The following PLD5 variants were observed in gnomAD, a reference collection of about 807,000 sequenced individuals.
PLD5 encodes the protein phospholipase D family member 5.
Under a neutral mutation model 61.1 loss-of-function variants are expected in PLD5, and 36 were observed. The observed-to-expected ratio is 0.59, with a 90% confidence interval of 0.45 to 0.78. PLD5 has a LOEUF of 0.78. Among genes scored for constraint, PLD5 ranks in the 30% least tolerant of loss-of-function variants. PLD5 has a pLI of 0.00. For missense variants in PLD5, 515 were observed against 644.4 expected, an observed-to-expected ratio of 0.80 and a Z score of 2.17; for synonymous variants, 243 against 242.8, an observed-to-expected ratio of 1.00 and a Z score of -0.01.
intron 1 of PLD5, among the ~76,000 whole-genome samples, chr1:242,355,087 A>G (rs182305069): frequency 1.1e-4 from 16 of 152,070 alleles, no homozygotes; most frequent in African/African-American, 3.6e-4. Flanking sequence ...AGTTTTCTTT[A>G]CTTGTGATGT....
chr1:242,436,483 TA>T (rs373816835), intron 1 of PLD5, among the ~76,000 whole-genome samples: 3,673 of 152,110 alleles, frequency 0.024, 80 homozygotes, highest in Middle Eastern at 0.051. Context: ...ATTCACCTTT[TA>T]AAAAAAAATT....
At chr1:242,300,712 G>A (rs969605360) in intron 2 of PLD5, among the ~76,000 whole-genome samples, 5 of 151,658 alleles carry the variant, frequency 3.3e-5, no homozygotes, top group African/African-American at 9.7e-5. Flanking sequence ...TACCCTCCAC[G>A]AGGATGACCC....
At chr1:242,241,791 T>TCTAA (rs1553334335) in intron 4 of PLD5, among the ~76,000 whole-genome samples, 1 of 148,292 alleles carries the variant, frequency 6.7e-6, no homozygotes, top group African/African-American at 2.5e-5. Flanking sequence ...TTTACTTATT[T>TCTAA]CTATTTGCCT....
chr1:242,289,516 C>CT (rs914016284), intron 2 of PLD5, among the ~76,000 whole-genome samples: 18 of 151,782 alleles, frequency 1.2e-4, no homozygotes, highest in African/African-American at 4.4e-4. Context: ...GCCTGGCTAA[C>CT]TTTTTTTTGT....
intron 5 of PLD5, among the ~76,000 whole-genome samples, chr1:242,179,847 G>T (rs1177553909): frequency 6.6e-6 from 1 of 152,188 alleles, no homozygotes; most frequent in African/African-American, 2.4e-5. Flanking sequence ...AGGTTGCAGT[G>T]AGCTGAGATT....
chr1:242,232,549 GA>G (rs1190717187), intron 4 of PLD5, among the ~76,000 whole-genome samples: 1 of 151,640 alleles, frequency 6.6e-6, no homozygotes, highest in East Asian at 1.9e-4. Flanking sequence ...ATAATTGAAG[GA>G]AAAAAATCAT....
chr1:242,167,086 A>C (rs1462094931), intron 5 of PLD5, among the ~76,000 whole-genome samples: 1 of 138,946 alleles, frequency 7.2e-6, no homozygotes, highest in Admixed American at 7.6e-5. Flanking sequence ...TAGTAATAAT[A>C]ATAATAATAA....
At chr1:242,407,212 C>T (rs189076436) in intron 1 of PLD5, among the ~76,000 whole-genome samples, 7 of 152,134 alleles carry the variant, frequency 4.6e-5, no homozygotes, top group East Asian at 3.9e-4. Flanking sequence ...CCATGTAAGA[C>T]GTGACTTTGC....
chr1:242,391,348 A>T (rs1486204076), intron 1 of PLD5, among the ~76,000 whole-genome samples: 1 of 152,208 alleles, frequency 6.6e-6, no homozygotes, highest in Non-Finnish European at 1.5e-5. Flanking sequence ...GTATCACTAT[A>T]ATGCGGTAAA....
intron 2 of PLD5, among the ~76,000 whole-genome samples, chr1:242,335,564 T>C (rs115738169): frequency 1.9e-3 from 292 of 152,254 alleles, no homozygotes; most frequent in African/African-American, 6.8e-3. Flanking sequence ...GAGAATTGCG[T>C]GGTAAAAATA....
chr1:242,238,830 C>T (rs1052028231), intron 4 of PLD5, among the ~76,000 whole-genome samples: 3 of 152,104 alleles, frequency 2.0e-5, no homozygotes, highest in Non-Finnish European at 4.4e-5. Context: ...CTAGCAGGGA[C>T]CTCAGGGAGA....
intron 2 of PLD5, among the ~76,000 whole-genome samples, chr1:242,323,363 G>GT (rs1200372712): frequency 4.7e-4 from 72 of 151,714 alleles, no homozygotes; most frequent in African/African-American, 1.2e-3. Context: ...TTAGGTAACT[G>GT]TTTTTTTTGT....
intron 1 of PLD5, among the ~76,000 whole-genome samples, chr1:242,438,125 G>A (rs535245624): frequency 3.3e-5 from 5 of 152,232 alleles, no homozygotes; most frequent in African/African-American, 1.2e-4. Flanking sequence ...TGATTATGGT[G>A]CCTGATACTA....
At chr1:242,267,353 T>C (rs1473612322) in intron 3 of PLD5, among the ~76,000 whole-genome samples, 1 of 152,134 alleles carries the variant, frequency 6.6e-6, no homozygotes, top group African/African-American at 2.4e-5. Flanking sequence ...GGCATAGCCA[T>C]TGCTCCATAA....
chr1:242,332,885 A>C (rs1468472809), intron 2 of PLD5, among the ~76,000 whole-genome samples: 1 of 152,230 alleles, frequency 6.6e-6, no homozygotes, highest in Non-Finnish European at 1.5e-5. Flanking sequence ...CAAGTACTAT[A>C]TCAGAGGTCA....
intron 5 of PLD5, among the ~76,000 whole-genome samples, chr1:242,150,171 G>GT: frequency 6.6e-6 from 1 of 151,572 alleles, no homozygotes; most frequent in East Asian, 1.9e-4. Context: ...TTCATTATAA[G>GT]TACTTACTTT....
rs1203079618 is a variant in PLD5 at position 242,083,556 on chromosome 1, A to T, written c.*6298T>A. On this transcript the variant is annotated 3_prime_UTR_variant, in exon 10 of 10. Coordinates refer to ENST00000536534, the MANE Select transcript of PLD5 (RefSeq NM_001372062.1). Reference sequence around the variant, plus strand: ...GGAGACAAATTGGCCTTTGTTTCTCAATGACATTTTCCTACAGAGGATTTT... The same window carrying T: ...GGAGACAAATTGGCCTTTGTTTCTCTATGACATTTTCCTACAGAGGATTTT... 1 of 152,226 alleles carries T rather than the reference A, an allele frequency of 6.6e-6. No individual in the cohort carries two copies. Among genetic ancestry groups the T allele is most frequent in the Non-Finnish European group, 1.5e-5 (1 of 68,042 alleles). The allele number at this position is 152,226 out of a possible 1,614,324, so 9.4% of individuals were successfully genotyped here.
intron 5 of PLD5, among the ~76,000 whole-genome samples, chr1:242,164,251 T>C (rs1312083652): frequency 6.6e-6 from 1 of 152,096 alleles, no homozygotes. Flanking sequence ...AAAATCTTCC[T>C]CAACCCCACT....
At chr1:242,478,769 A>G (rs1368110258) in intron 1 of PLD5, among the ~76,000 whole-genome samples, 1 of 152,214 alleles carries the variant, frequency 6.6e-6, no homozygotes, top group Non-Finnish European at 1.5e-5. Context: ...CAAAAATCCT[A>G]TAATACAGTG....
Sources: gnomAD v4.1 joint callset for allele counts (sites outside exome capture counted in the v4.1 genomes callset) on GRCh38, gnomAD v4.1.1 for gene constraint, MANE v1.5 for transcripts, NCBI Gene and HGNC (gene_info 2026-07-23, HGNC 2026-07-21) for gene names.